Variants in TRIM5 observed in about 807,000 individuals in gnomAD.
TRIM5 encodes tripartite motif containing 5.
A neutral mutation model predicts 35.6 loss-of-function variants in TRIM5; 31 were observed. That is an observed-to-expected ratio of 0.87 (90% confidence interval 0.65 to 1.18). TRIM5 has a LOEUF of 1.18. TRIM5 is among the 50% of genes most tolerant of loss of function. The probability of loss-of-function intolerance (pLI) is 0.00; values close to 1 mark genes in which losing one functional copy is unlikely to be tolerated. For missense variants in TRIM5, 609 were observed against 591.6 expected, an observed-to-expected ratio of 1.03 and a Z score of -0.31; for synonymous variants, 243 against 215.6, an observed-to-expected ratio of 1.13 and a Z score of -1.11.
chr11:5,668,753 G>A (rs943997759), intron 4 of TRIM5, among the ~76,000 whole-genome samples: 1 of 152,052 alleles, frequency 6.6e-6, no homozygotes, highest in Non-Finnish European at 1.5e-5. Flanking sequence ...CCCGGCCTAC[G>A]TACTTCTTAA....
chr11:5,651,892 CT>C, the TRIM5 span, among the ~76,000 whole-genome samples: 2 of 152,054 alleles, frequency 1.3e-5, no homozygotes, highest in East Asian at 1.9e-4. Flanking sequence ...TCTCTAATGA[CT>C]AGTGATGTTG....
chr11:5,638,111 A>G, the TRIM5 span, among the ~76,000 whole-genome samples: 49,380 of 152,096 alleles, frequency 0.32, 8,986 homozygotes, highest in East Asian at 0.62. Context: ...CCACACAGTG[A>G]TTATTTTAAG....
intron 4 of TRIM5, among the ~76,000 whole-genome samples, chr11:5,675,177 C>T (rs774672816): frequency 6.6e-6 from 1 of 150,996 alleles, no homozygotes; most frequent in Non-Finnish European, 1.5e-5. Flanking sequence ...TACAGGTGCC[C>T]GCCACCACGC....
At chr11:5,683,166 C>T (rs1403234099) in intron 1 of TRIM5, among the ~76,000 whole-genome samples, 2 of 152,328 alleles carry the variant, frequency 1.3e-5, no homozygotes, top group Non-Finnish European at 2.9e-5. Flanking sequence ...ACCTGCAGCC[C>T]ACCATGCCTG....
chr11:5,679,911 C>T lies in TRIM5; in HGVS notation c.267G>A (p.Gly89=), dbSNP rs764259392. 3 of 1,614,018 alleles carry T rather than the reference C, an allele frequency of 1.9e-6. No homozygotes were observed. Among genetic ancestry groups the T allele is most frequent in the East Asian group, 2.2e-5 (1 of 44,866 alleles). The change falls in exon 2 of 8, where the codon GGG becomes GGA. Residue 89 remains glycine, a synonymous_variant. Transcript: ENST00000380034. Reference sequence around the variant, plus strand: ...GGCGTGCACAATGATCAACTTTCTGCCCCTCTGGGCTCAACTTGACCTCCC... The same window carrying T: ...GGCGTGCACAATGATCAACTTTCTGTCCCTCTGGGCTCAACTTGACCTCCC... The part of the protein sequence containing the change: ...KLREVKLSPE[G]QKVDHCARHG...
chr11:5,666,090 T>C lies in TRIM5; in HGVS notation c.768-9A>G, dbSNP rs867272311. ...AGGTCACGTTCTCCGTCCTAAGAAT[T>C]AAAAAAAAAAAAAAAAACTTCCAAA... is the stretch of plus-strand genomic sequence containing the variant. On this transcript the variant is annotated splice_polypyrimidine_tract_variant and intron_variant, in intron 5 of 7. Transcript: ENST00000380034. 2.9e-6 allele frequency: 4 copies of C among 1,382,376 alleles called. No homozygotes were observed. Among genetic ancestry groups the C allele is most frequent in the Middle Eastern group, 1.9e-4 (1 of 5,140 alleles). The allele number at this position is 1,382,376 out of a possible 1,614,324, so 85.6% of individuals were successfully genotyped here.
chr11:5,679,438 A>T (rs1361656040), intron 2 of TRIM5, among the ~76,000 whole-genome samples: 1 of 152,066 alleles, frequency 6.6e-6, no homozygotes, highest in African/African-American at 2.4e-5. Flanking sequence ...GCAAGGAAAA[A>T]ACTTACATCT....
the TRIM5 span, chr11:5,603,830 T>C: frequency 3.4e-6 from 5 of 1,492,136 alleles, no homozygotes; most frequent in Middle Eastern, 1.8e-4. Context: ...TTGTAGTCTT[T>C]ATTTACCTAG....
chr11:5,620,462 T>C, the TRIM5 span, among the ~76,000 whole-genome samples: 1 of 151,658 alleles, frequency 6.6e-6, no homozygotes, highest in African/African-American at 2.4e-5. Context: ...CAGCCTCCTA[T>C]AGTGCTGGGA....
the TRIM5 span, among the ~76,000 whole-genome samples, chr11:5,645,025 A>G: frequency 6.6e-6 from 1 of 152,198 alleles, no homozygotes; most frequent in Non-Finnish European, 1.5e-5. Flanking sequence ...TGTTAGGATA[A>G]AAAAGTGATT....
chr11:5,620,303 A>G, the TRIM5 span, among the ~76,000 whole-genome samples: 5 of 147,070 alleles, frequency 3.4e-5, no homozygotes, highest in Admixed American at 2.1e-4. Context: ...TCAACCTCCC[A>G]AGTAACTGGG....
chr11:5,641,411 T>C, the TRIM5 span: 1 of 1,211,616 alleles, frequency 8.3e-7, no homozygotes, highest in Non-Finnish European at 1.1e-6. Flanking sequence ...AGTTCAGAGC[T>C]ACAGCCAAAA....
the TRIM5 span, among the ~76,000 whole-genome samples, chr11:5,633,151 T>C: frequency 5.0e-3 from 734 of 146,914 alleles, 1 homozygote; most frequent in East Asian, 7.7e-3. Context: ...TCTTTCTTTT[T>C]TTTTTTTTTT....
At chr11:5,662,761 T>C (rs1850873591), downstream of TRIM5, among the ~76,000 whole-genome samples, 1 of 152,188 alleles carries the variant, frequency 6.6e-6, no homozygotes, top group East Asian at 1.9e-4. Flanking sequence ...AGAAAGATAA[T>C]TTTGAAAAGA....
At chr11:5,611,416 T>A in the TRIM5 span, 1 of 1,203,736 alleles carries the variant, frequency 8.3e-7, no homozygotes. Flanking sequence ...CTTCTGATCT[T>A]CTGTTTTTCT....
At chr11:5,643,219 T>C in the TRIM5 span, 1 of 1,613,560 alleles carries the variant, frequency 6.2e-7, no homozygotes. Flanking sequence ...GTGATATCTG[T>C]GCCAATTTGG....
At chr11:5,626,815 G>T in the TRIM5 span, 1 of 151,950 alleles carries the variant, frequency 6.6e-6, no homozygotes, top group Non-Finnish European at 1.5e-5. Flanking sequence ...CCAGGAGGTG[G>T]AGGTTGCAGT....
the TRIM5 span, among the ~76,000 whole-genome samples, chr11:5,652,541 AG>A: frequency 6.6e-6 from 1 of 152,154 alleles, no homozygotes; most frequent in African/African-American, 2.4e-5. Flanking sequence ...CTTTTAAACC[AG>A]TACCATACTG....
the TRIM5 span, among the ~76,000 whole-genome samples, chr11:5,620,177 T>C: frequency 1.1e-4 from 14 of 124,250 alleles, no homozygotes; most frequent in Non-Finnish European, 2.2e-4. Flanking sequence ...CTTTTTTTTT[T>C]TTTTTTTTTT....
Sources: allele counts gnomAD v4.1 joint callset (sites outside exome capture counted in the v4.1 genomes callset), GRCh38; gene constraint gnomAD v4.1.1; transcripts MANE v1.5; gene names NCBI Gene and HGNC (gene_info 2026-07-23, HGNC 2026-07-21).